The following SLC1A3 variants were observed in gnomAD, a reference collection of about 807,000 sequenced individuals.
SLC1A3 encodes excitatory amino acid transporter 1.
Under a neutral mutation model 48.1 loss-of-function variants are expected in SLC1A3, and 21 were observed. The ratio of observed to expected loss-of-function variants is 0.44; its 90% CI spans 0.31 to 0.63. SLC1A3 has a LOEUF of 0.63. Among genes scored for constraint, SLC1A3 ranks in the 20% least tolerant of loss-of-function variants. The pLI, the probability that SLC1A3 is intolerant of heterozygous loss-of-function variation, is 0.08. For missense variants in SLC1A3, 546 were observed against 689.0 expected (o/e 0.79, Z 2.32); for synonymous variants, 239 against 251.4 (o/e 0.95, Z 0.47).
intron 2 of SLC1A3, among the ~76,000 whole-genome samples, chr5:36,625,763 C>G (rs1739879119): frequency 6.6e-6 from 1 of 152,202 alleles, no homozygotes; most frequent in African/African-American, 2.4e-5. Flanking sequence ...TGTCTCCTCT[C>G]TATAGAGAAG....
At chr5:36,623,144 C>T (rs1283818697) in intron 2 of SLC1A3, among the ~76,000 whole-genome samples, 1 of 152,050 alleles carries the variant, frequency 6.6e-6, no homozygotes, top group Non-Finnish European at 1.5e-5. Flanking sequence ...TTGTTTATAG[C>T]ATTCATCCAG....
chr5:36,670,884 G>C, intron 3 of SLC1A3, 145 bp from the exon 4 acceptor site: 1 of 733,650 alleles, frequency 1.4e-6, no homozygotes, highest in Admixed American at 2.0e-5. Context: ...GTGAGATTTG[G>C]GGCCAGGTTC....
At chr5:36,659,088 T>C (rs6861244) in intron 3 of SLC1A3, among the ~76,000 whole-genome samples, 130 of 152,294 alleles carry the variant, frequency 8.5e-4, no homozygotes, top group African/African-American at 2.9e-3. Flanking sequence ...ACATCAATGA[T>C]TGATACCAGT....
At chr5:36,618,679 G>A (rs1176561322) in intron 2 of SLC1A3, among the ~76,000 whole-genome samples, 1 of 147,582 alleles carries the variant, frequency 6.8e-6, no homozygotes, top group Non-Finnish European at 1.5e-5. Flanking sequence ...AGATGGAAAT[G>A]GGAACACCTT....
intron 1 of SLC1A3, among the ~76,000 whole-genome samples, chr5:36,607,924 A>G (rs1236376708): frequency 6.6e-6 from 1 of 152,210 alleles, no homozygotes; most frequent in Non-Finnish European, 1.5e-5. Flanking sequence ...CCATGTATAC[A>G]GCATAATTTG....
chr5:36,640,206 AT>A (rs1215075101), intron 3 of SLC1A3, among the ~76,000 whole-genome samples: 1 of 152,194 alleles, frequency 6.6e-6, no homozygotes, highest in Non-Finnish European at 1.5e-5. Context: ...TGAAGGACGG[AT>A]TTACCTGAAT....
At chr5:36,626,256 C>T (rs955304179) in intron 2 of SLC1A3, among the ~76,000 whole-genome samples, 1 of 152,118 alleles carries the variant, frequency 6.6e-6, no homozygotes, top group Non-Finnish European at 1.5e-5. Context: ...TCAAGTGCAC[C>T]TAGTATTTAG....
At chr5:36,640,113 T>A (rs1040209216) in intron 3 of SLC1A3, among the ~76,000 whole-genome samples, 1 of 152,158 alleles carries the variant, frequency 6.6e-6, no homozygotes, top group Non-Finnish European at 1.5e-5. Flanking sequence ...CAGAGGACAG[T>A]TCTGTTTTTT....
At chr5:36,642,589 A>G (rs1392490082) in intron 3 of SLC1A3, among the ~76,000 whole-genome samples, 1 of 152,222 alleles carries the variant, frequency 6.6e-6, no homozygotes, top group East Asian at 1.9e-4. Context: ...CAATTTACCC[A>G]TTTAAAGTGT....
intron 3 of SLC1A3, among the ~76,000 whole-genome samples, chr5:36,632,851 T>C (rs1351244701): frequency 6.6e-6 from 1 of 152,224 alleles, no homozygotes; most frequent in Non-Finnish European, 1.5e-5. Flanking sequence ...CTATAGCCCT[T>C]GTAAGCCATG....
upstream of SLC1A3, among the ~76,000 whole-genome samples, chr5:36,601,723 C>G: frequency 6.6e-6 from 1 of 152,036 alleles, no homozygotes; most frequent in East Asian, 1.9e-4. Flanking sequence ...CCACCCACCC[C>G]CCATTCAATT....
intron 9 of SLC1A3, 137 bp downstream of exon 9, chr5:36,684,135 T>C: frequency 1.8e-6 from 2 of 1,123,968 alleles, no homozygotes; most frequent in Non-Finnish European, 2.7e-6. Flanking sequence ...AAATTGTCCT[T>C]ATTGTCTGAC....
At chr5:36,659,930 T>C (rs1741436841) in intron 3 of SLC1A3, among the ~76,000 whole-genome samples, 1 of 152,240 alleles carries the variant, frequency 6.6e-6, no homozygotes, top group African/African-American at 2.4e-5. Context: ...ACCAATTCAT[T>C]CCATTATTTG....
Position 36,671,181 on chromosome 5 carries a change from G to C in SLC1A3, c.472G>C (p.Glu158Gln), listed in dbSNP as rs201358917. The C allele has an allele frequency of 1.5e-5, 25 of 1,613,952 alleles. No homozygotes were observed. In the East Asian group the frequency reaches 5.6e-4, roughly 36 times the overall value. The change falls in exon 4 of 10, where the codon GAA (glutamate) becomes CAA (glutamine). Residue 158 changes from glutamate (E) to glutamine (Q), a missense_variant. Coordinates refer to ENST00000265113, the MANE Select transcript of SLC1A3 (RefSeq NM_004172.5). ...GKGTKENMHR[E>Q]GKIVRVTAAD... Reference sequence around the variant, plus strand: ...GGGCACAAAGGAAAACATGCACAGAGAAGGCAAAATTGTACGAGTGACAGC... The same window carrying C: ...GGGCACAAAGGAAAACATGCACAGACAAGGCAAAATTGTACGAGTGACAGC...
intron 6 of SLC1A3, among the ~76,000 whole-genome samples, chr5:36,679,152 G>T (rs896347892): frequency 3.3e-5 from 5 of 152,208 alleles, no homozygotes; most frequent in Non-Finnish European, 7.3e-5. Context: ...ATCAGGCTCT[G>T]ATGTGGAAAA....
At chr5:36,602,440 G>T (rs1232867980), upstream of SLC1A3, among the ~76,000 whole-genome samples, 1 of 152,174 alleles carries the variant, frequency 6.6e-6, no homozygotes, top group Non-Finnish European at 1.5e-5. Flanking sequence ...TCTGCTGAAG[G>T]CTTCAATTCC....
At chr5:36,618,574 T>C (rs1251320656) in intron 2 of SLC1A3, among the ~76,000 whole-genome samples, 2 of 151,984 alleles carry the variant, frequency 1.3e-5, no homozygotes, top group African/African-American at 4.8e-5. Context: ...GAGCAGAACA[T>C]AAAATCAGGA....
At chr5:36,633,190 A>G (rs1368222447) in intron 3 of SLC1A3, among the ~76,000 whole-genome samples, 2 of 152,218 alleles carry the variant, frequency 1.3e-5, no homozygotes, top group African/African-American at 4.8e-5. Context: ...GGGTAGACAT[A>G]ACTATTACCT....
rs190944982 is a variant in SLC1A3, at chr5:36,660,623, G to T, written c.320-10406G>T. Among the ~76,000 whole-genome samples the T allele has an allele frequency of 6.1e-4, 93 of 152,298 alleles. 1 individual carries two copies. The highest frequency in any genetic ancestry group is 2.1e-3 in the African/African-American group (87 of 41,554). ...AATGGTAACCAGAAACAGGGAAGCC[G>T]ACCAATTCTAGAGTTTACTCCGACA... On this transcript the variant is annotated intron_variant, in intron 3 of 9. Coordinates refer to ENST00000265113, the MANE Select transcript of SLC1A3 (RefSeq NM_004172.5).
Sources: allele counts gnomAD v4.1 joint callset (sites outside exome capture counted in the v4.1 genomes callset), GRCh38; gene constraint gnomAD v4.1.1; transcripts MANE v1.5; gene names NCBI Gene and HGNC (gene_info 2026-07-23, HGNC 2026-07-21).